Variants in SLAMF1 observed in about 807,000 individuals in gnomAD.
SLAMF1 encodes signaling lymphocytic activation molecule family member 1, also known as signaling lymphocytic activation molecule.
SLAMF1 carries 18 observed loss-of-function variants against 35.1 expected under a neutral mutation model. That is an observed-to-expected ratio of 0.51 (90% CI 0.35 to 0.76). The LOEUF is 0.76. Ranked by LOEUF, SLAMF1 falls within the 30% of genes least tolerant of loss-of-function variation. SLAMF1 has a pLI of 0.01. For synonymous variants in SLAMF1, 168 were observed against 157.2 expected (o/e 1.07, Z -0.51); for missense variants, 392 against 413.0 (o/e 0.95, Z 0.44).
chr1:160,646,427 T>A (rs1184146245), intron 1 of SLAMF1, among the ~76,000 whole-genome samples: 2 of 152,164 alleles, frequency 1.3e-5, no homozygotes, highest in Non-Finnish European at 2.9e-5. Context: ...ATGCTCCTGG[T>A]TTGTCAGCCT....
chr1:160,642,799 A>C lies in SLAMF1; in HGVS notation c.76+4071T>G, dbSNP rs1405374989. 6.6e-6 allele frequency among the ~76,000 whole-genome samples: 1 copy of C among 152,140 alleles called. No individual in the cohort carries two copies. The highest frequency in any genetic ancestry group is 2.4e-5 in the African/African-American group (1 of 41,414). ...TGGAAGTGCCTTAAATATAAACCCT[A>C]GGTTTCAGGTACAACAGACAACTTG... is the stretch of plus-strand genomic sequence containing the variant. On this transcript the variant is annotated intron_variant, in intron 1 of 6. Coordinates refer to ENST00000302035, the MANE Select transcript of SLAMF1 (RefSeq NM_003037.5). This position sits in a 1 kb window ranked among gnomAD's most constrained non-coding sequence, Gnocchi z 4.2.
At chr1:160,643,994 T>C (rs1331881347) in intron 1 of SLAMF1, among the ~76,000 whole-genome samples, 1 of 152,176 alleles carries the variant, frequency 6.6e-6, no homozygotes, top group East Asian at 1.9e-4. Flanking sequence ...ATAGATGTGA[T>C]AATCAATAAA....
chr1:160,640,345 TATATATATATATATAC>T (rs1660678475), intron 1 of SLAMF1, among the ~76,000 whole-genome samples: 1 of 138,714 alleles, frequency 7.2e-6, no homozygotes, highest in African/African-American at 2.8e-5. Context: ...TATATATATA[TATATATATATATATAC>T]ACACACACAC....
In SLAMF1 at chr1:160,637,268, T is replaced by C. The variant is rs1660500370; in HGVS notation, c.338A>G (p.Glu113Gly). The C allele has an allele frequency of 6.2e-7, 1 of 1,614,076 alleles. No individual in the cohort carries two copies. Among genetic ancestry groups the C allele is most frequent in the Non-Finnish European group, 8.5e-7 (1 of 1,179,980 alleles). ...GGTCATAAGGTACCATCCCTCATCC[T>C]CCTTCCTGCTTTCCCGTATCCCCAG... ...LTLGIRESRK[E>G]DEGWYLMTLE... Residue 113 changes from glutamate (E) to glycine (G), a missense_variant, in exon 2 of 7, where the codon GAG becomes GGG. Coordinates refer to ENST00000302035, the MANE Select transcript of SLAMF1 (RefSeq NM_003037.5).
chr1:160,640,419 C>CAT (rs963567067), intron 1 of SLAMF1, among the ~76,000 whole-genome samples: 38 of 145,944 alleles, frequency 2.6e-4, no homozygotes, highest in African/African-American at 6.0e-4. Flanking sequence ...TATACATACA[C>CAT]ATATATATAT....
intron 3 of SLAMF1, among the ~76,000 whole-genome samples, chr1:160,630,100 T>C (rs1003364161): frequency 6.6e-6 from 1 of 152,156 alleles, no homozygotes; most frequent in Non-Finnish European, 1.5e-5. Context: ...CCAGGGGCAT[T>C]CCTTTCTAGA....
rs762106178 is a variant in SLAMF1 at position 160,642,380 on chromosome 1, A to T, written c.76+4490T>A. Among the ~76,000 whole-genome samples, 3 of 151,626 alleles carry T rather than the reference A, an allele frequency of 2.0e-5. No individual in the cohort carries two copies. The highest frequency in any genetic ancestry group is 2.9e-5 in the Non-Finnish European group (2 of 67,910). ...CTCTTTCATAGGGAAGACTTTCCTG[A>T]CTCCTGACTTAGGTTGGGTTTTCCT... On this transcript the variant is annotated intron_variant, in intron 1 of 6. Transcript: ENST00000302035. The surrounding 1 kb of genome is among the most constrained non-coding windows in gnomAD (Gnocchi z 4.2).
At chr1:160,631,164 G>A (rs182264291) in intron 3 of SLAMF1, among the ~76,000 whole-genome samples, 9 of 152,306 alleles carry the variant, frequency 5.9e-5, no homozygotes. Context: ...TTAAGAACTG[G>A]TAGTATTCGT....
intron 3 of SLAMF1, 69 bp from the exon 4 acceptor site, chr1:160,624,254 G>T: frequency 9.2e-7 from 1 of 1,082,040 alleles, no homozygotes; most frequent in South Asian, 1.3e-5. Flanking sequence ...TTACATGAAA[G>T]TGGGATAATG....
chr1:160,622,302 C>A (rs191214881), intron 4 of SLAMF1, among the ~76,000 whole-genome samples: 2 of 152,326 alleles, frequency 1.3e-5, no homozygotes, highest in Admixed American at 1.3e-4. Flanking sequence ...TACATTGTAG[C>A]CATCATTAGC....
At chr1:160,629,098 C>T (rs1457028155) in intron 3 of SLAMF1, among the ~76,000 whole-genome samples, 3 of 152,160 alleles carry the variant, frequency 2.0e-5, no homozygotes, top group African/African-American at 7.2e-5. Context: ...TCCCGAGGCT[C>T]TTAGAGGCGG....
At chr1:160,638,642 C>T (rs543400535) in intron 1 of SLAMF1, among the ~76,000 whole-genome samples, 1 of 152,268 alleles carries the variant, frequency 6.6e-6, no homozygotes, top group East Asian at 1.9e-4. Context: ...TTCCCATTTC[C>T]AGACCCATTT....
intron 3 of SLAMF1, among the ~76,000 whole-genome samples, chr1:160,625,822 G>GGAGT (rs1659849787): frequency 1.7e-5 from 2 of 120,224 alleles, no homozygotes; most frequent in Non-Finnish European, 3.6e-5. Context: ...CCTCTGTGCA[G>GGAGT]GAGTGTGTGT....
At chr1:160,640,082 C>T (rs1660659252) in intron 1 of SLAMF1, among the ~76,000 whole-genome samples, 1 of 152,040 alleles carries the variant, frequency 6.6e-6, no homozygotes, top group African/African-American at 2.4e-5. Flanking sequence ...GTGTTTCTTT[C>T]TGCACTTATC....
At chr1:160,626,169 T>G (rs1231730763) in intron 3 of SLAMF1, among the ~76,000 whole-genome samples, 1 of 152,094 alleles carries the variant, frequency 6.6e-6, no homozygotes, top group Non-Finnish European at 1.5e-5. Context: ...CACTTGAGAT[T>G]AAAAAAATAA....
At chr1:160,640,325 C>CACAT (rs1303073948) in intron 1 of SLAMF1, among the ~76,000 whole-genome samples, 6 of 94,158 alleles carry the variant, frequency 6.4e-5, no homozygotes, top group African/African-American at 2.5e-4. Flanking sequence ...TTAGGTTTGT[C>CACAT]ATATATATAT....
In SLAMF1 at chr1:160,640,359, T is replaced by TAC. The variant is rs1184249247; in HGVS notation, c.77-2832_77-2831dup. On this transcript the variant is annotated intron_variant, in intron 1 of 6. Coordinates refer to ENST00000302035, the MANE Select transcript of SLAMF1 (RefSeq NM_003037.5). ...ATATATATATATATATATATATATA[T>TAC]ACACACACACACACACATATATATA... Among the ~76,000 whole-genome samples the TAC allele has an allele frequency of 8.8e-3, 1,077 of 122,296 alleles. 10 individuals are homozygous for TAC. The highest frequency in any genetic ancestry group is 0.025 in the African/African-American group (761 of 30,254). 80.2% of individuals were successfully genotyped at this position (122,296 alleles called of 152,430 possible).
chr1:160,620,390 G>A (rs1659544368), intron 4 of SLAMF1, among the ~76,000 whole-genome samples: 1 of 152,114 alleles, frequency 6.6e-6, no homozygotes, highest in African/African-American at 2.4e-5. Context: ...TAAGAGGGAT[G>A]TTCCACCTGG....
chr1:160,638,667 T>C (rs1660583578), intron 1 of SLAMF1, among the ~76,000 whole-genome samples: 1 of 152,230 alleles, frequency 6.6e-6, no homozygotes, highest in Non-Finnish European at 1.5e-5. Flanking sequence ...TTGGACCCAC[T>C]ATAAACAGGT....
Sources: gnomAD v4.1 joint callset for allele counts (sites outside exome capture counted in the v4.1 genomes callset) on GRCh38, gnomAD v4.1.1 for gene constraint, Gnocchi (gnomAD v3.1) non-coding constraint, MANE v1.5 for transcripts, NCBI Gene and HGNC (gene_info 2026-07-23, HGNC 2026-07-21) for gene names.